The following CPNE8 variants were observed in gnomAD, a reference collection of about 807,000 sequenced individuals.
The protein encoded by CPNE8 is copine-8.
Under a neutral mutation model 81.5 loss-of-function variants are expected in CPNE8, and 45 were observed. The observed-to-expected ratio is 0.55, with a 90% CI of 0.44 to 0.71. CPNE8 has a LOEUF of 0.71. Ranked by LOEUF, CPNE8 falls within the 30% of genes least tolerant of loss-of-function variation. CPNE8 has a pLI of 0.00. For synonymous variants in CPNE8, 252 were observed against 226.3 expected (o/e 1.11, Z -1.02); for missense variants, 594 against 672.1 (o/e 0.88, Z 1.28).
intron 6 of CPNE8, among the ~76,000 whole-genome samples, chr12:38,805,802 C>T (rs1406064680): frequency 6.7e-6 from 1 of 148,604 alleles, no homozygotes; most frequent in Non-Finnish European, 1.5e-5. Context: ...TTCCAAAAAT[C>T]AATGAATCCA....
intron 10 of CPNE8, among the ~76,000 whole-genome samples, chr12:38,751,025 T>C: frequency 6.6e-6 from 1 of 152,178 alleles, no homozygotes; most frequent in East Asian, 1.9e-4. Context: ...AAATAAGTCT[T>C]ATGAGATCTG....
intron 6 of CPNE8, among the ~76,000 whole-genome samples, chr12:38,776,619 A>C (rs1396677329): frequency 6.6e-6 from 1 of 151,950 alleles, no homozygotes; most frequent in African/African-American, 2.4e-5. Context: ...CCTCAATGAG[A>C]CTAAACTTTC....
chr12:38,716,851 C>T (rs919686364), intron 13 of CPNE8, among the ~76,000 whole-genome samples: 1 of 152,092 alleles, frequency 6.6e-6, no homozygotes, highest in Non-Finnish European at 1.5e-5. Context: ...AGTAAACAGA[C>T]AACCCACACA....
chr12:38,834,218 C>T (rs1052695320), intron 5 of CPNE8, among the ~76,000 whole-genome samples: 2 of 152,130 alleles, frequency 1.3e-5, no homozygotes, highest in African/African-American at 4.8e-5. Context: ...TCTTAGATAA[C>T]TCTGAGTTCC....
chr12:38,775,227 T>TCCTCCCACCTTGG (rs1941905492), intron 7 of CPNE8, among the ~76,000 whole-genome samples: 2 of 152,070 alleles, frequency 1.3e-5, no homozygotes, highest in African/African-American at 4.8e-5. Flanking sequence ...GCTCAAGTGA[T>TCCTCCCACCTTGG]CCTCCCACCT....
intron 15 of CPNE8, among the ~76,000 whole-genome samples, chr12:38,689,784 G>A (rs554202370): frequency 6.6e-6 from 1 of 152,274 alleles, no homozygotes; most frequent in East Asian, 1.9e-4. Context: ...AAGGACCACT[G>A]GCCACAAGCT....
intron 1 of CPNE8, among the ~76,000 whole-genome samples, chr12:38,883,309 T>A (rs1326783173): frequency 2.6e-5 from 4 of 152,220 alleles, no homozygotes; most frequent in African/African-American, 9.6e-5. Context: ...TATTCATCTA[T>A]ATCATTCAGA....
At chr12:38,668,751 G>GA in intron 19 of CPNE8, among the ~76,000 whole-genome samples, 1 of 151,972 alleles carries the variant, frequency 6.6e-6, no homozygotes, top group East Asian at 1.9e-4. Context: ...GTCTAATTAT[G>GA]AAAAAAACAC....
intron 1 of CPNE8, among the ~76,000 whole-genome samples, chr12:38,896,767 G>A (rs1367234181): frequency 1.3e-5 from 2 of 152,066 alleles, no homozygotes; most frequent in Non-Finnish European, 2.9e-5. Context: ...TCTCCACATT[G>A]AATTAATCAG....
rs542227298 is a variant in CPNE8 at position 38,883,187 on chromosome 12, T to G, written c.99-8676A>C. On this transcript the variant is annotated intron_variant, in intron 1 of 19. Coordinates refer to ENST00000331366, the MANE Select transcript of CPNE8 (RefSeq NM_153634.3). ...AATAAGTTAATCAAATTCAGAGAGG[T>G]TAAATAAAGTGGCCAAAGTCACAGA... is the stretch of plus-strand genomic sequence containing the variant. Among the ~76,000 whole-genome samples, 115 of 152,260 alleles carry G rather than the reference T, an allele frequency of 7.6e-4. 1 individual carries two copies. The highest frequency in any genetic ancestry group is 2.2e-3 in the African/African-American group (92 of 41,550).
intron 1 of CPNE8, among the ~76,000 whole-genome samples, chr12:38,893,075 TAA>T (rs1944337364): frequency 1.3e-5 from 2 of 152,118 alleles, no homozygotes; most frequent in Non-Finnish European, 2.9e-5. Flanking sequence ...CACAAAGGTT[TAA>T]GAGCCTATGT....
chr12:38,906,032 G>C, upstream of CPNE8: 1 of 987,850 alleles, frequency 1.0e-6, no homozygotes, highest in Non-Finnish European at 1.2e-6. Context: ...AGGTGTGGAC[G>C]GGAAGGTCTC....
At chr12:38,855,032 G>T (rs1489549171) in intron 3 of CPNE8, among the ~76,000 whole-genome samples, 1 of 151,934 alleles carries the variant, frequency 6.6e-6, no homozygotes, top group Admixed American at 6.5e-5. Context: ...TATTTCAACT[G>T]ATAAAGTCAG....
At chr12:38,799,581 A>T (rs1256988271) in intron 6 of CPNE8, among the ~76,000 whole-genome samples, 1 of 152,192 alleles carries the variant, frequency 6.6e-6, no homozygotes, top group Non-Finnish European at 1.5e-5. Context: ...CTAAATGCCC[A>T]CAAGAGAAAG....
intron 14 of CPNE8, 52 bp from the exon 15 acceptor site, chr12:38,693,890 A>G (rs752010236): frequency 1.4e-6 from 2 of 1,434,542 alleles, no homozygotes; most frequent in Non-Finnish European, 1.9e-6. Context: ...AAATAAATTT[A>G]ACAAAATTTT....
chr12:38,683,316 G>A (rs1179518071), intron 16 of CPNE8, among the ~76,000 whole-genome samples: 1 of 152,064 alleles, frequency 6.6e-6, no homozygotes, highest in Non-Finnish European at 1.5e-5. Context: ...ATATATATTT[G>A]TTTTGACATT....
intron 6 of CPNE8, among the ~76,000 whole-genome samples, chr12:38,791,306 T>C (rs1476772014): frequency 6.6e-6 from 1 of 151,616 alleles, no homozygotes; most frequent in African/African-American, 2.4e-5. Context: ...TTTCTTCTTC[T>C]TCTTCTTCAA....
At chr12:38,787,909 C>T (rs1359321176) in intron 6 of CPNE8, among the ~76,000 whole-genome samples, 2 of 139,948 alleles carry the variant, frequency 1.4e-5, no homozygotes, top group Non-Finnish European at 3.1e-5. Flanking sequence ...AATCCAAAAC[C>T]TGAACAGAAC....
intron 3 of CPNE8, among the ~76,000 whole-genome samples, chr12:38,867,358 G>C (rs896630869): frequency 8.6e-5 from 13 of 151,856 alleles, no homozygotes; most frequent in Admixed American, 2.0e-4. Flanking sequence ...GAGAGAGAGA[G>C]AGAGAGAGAG....
Sources: gnomAD v4.1 joint callset for allele counts (sites outside exome capture counted in the v4.1 genomes callset) on GRCh38, gnomAD v4.1.1 for gene constraint, MANE v1.5 for transcripts, NCBI Gene and HGNC (gene_info 2026-07-23, HGNC 2026-07-21) for gene names.